Variants in KIF23 observed in about 807,000 individuals in gnomAD.
KIF23 encodes the protein kinesin family member 23, also known as kinesin-like protein KIF23.
KIF23 carries 30 observed loss-of-function variants against 137.5 expected under a neutral mutation model. The observed-to-expected ratio is 0.22, with a 90% CI of 0.16 to 0.30. The LOEUF is 0.30. Ranked by LOEUF, KIF23 falls within the 10% of genes least tolerant of loss-of-function variation. The pLI is 1.00. For synonymous variants in KIF23, 367 were observed against 391.1 expected, an observed-to-expected ratio of 0.94 and a Z score of 0.73; for missense variants, 920 against 1,194.3, an observed-to-expected ratio of 0.77 and a Z score of 3.38.
chr15:69,414,578 G>T, intron 1 of KIF23, 102 bp downstream of exon 1: 2 of 1,278,750 alleles, frequency 1.6e-6, no homozygotes, highest in Non-Finnish European at 2.1e-6. Context: ...TACGCGGGCA[G>T]CGCGGACAGC....
Position 69,435,464 on chromosome 15 carries a change from A to G in KIF23, c.1115-19A>G. 3.1e-6 allele frequency: 5 copies of G among 1,591,664 alleles called. No individual in the cohort carries two copies. The highest frequency in any genetic ancestry group is 1.1e-5 in the South Asian group (1 of 90,152). On this transcript the variant is annotated intron_variant, in intron 11 of 23. Transcript: ENST00000679126. ...ATACTGTTGTTCTGAAATGGCGTCTATGTATTTTTTTCTGTCAGGTAATAT... is the reference window on the plus strand; with the variant it reads ...ATACTGTTGTTCTGAAATGGCGTCTGTGTATTTTTTTCTGTCAGGTAATAT...
At chr15:69,428,977 T>C (rs1430418304) in intron 10 of KIF23, 134 bp from the exon 11 acceptor site, 4 of 527,194 alleles carry the variant, frequency 7.6e-6, no homozygotes, top group Non-Finnish European at 1.0e-5. Context: ...AAAATAGGTA[T>C]CCTTTGCCTG....
At chr15:69,429,314 T>C in intron 11 of KIF23, 101 bp downstream of exon 11, 1 of 781,298 alleles carries the variant, frequency 1.3e-6, no homozygotes, top group Non-Finnish European at 2.1e-6. Flanking sequence ...TTTTTTAATT[T>C]TTATTTTATT....
In KIF23 at chr15:69,435,499, A is replaced by C. The variant is rs2057455530; in HGVS notation, c.1131A>C (p.Ser377=). 2 of 1,613,652 alleles carry C rather than the reference A, an allele frequency of 1.2e-6. No individual in the cohort carries two copies. The highest frequency in any genetic ancestry group is 2.7e-5 in the African/African-American group (2 of 74,914). Residue 377 remains serine (S), a synonymous_variant, in exon 12 of 24, where the codon TCA becomes TCC. Transcript: ENST00000679126. The part of the protein sequence containing the change: ...RLREAGNINQ[S]LMTLRTCMDV... ...TTCTGTCAGGTAATATTAATCAGTC[A>C]CTAATGACGCTAAGAACATGTATGG...
At chr15:69,434,617 G>C in intron 11 of KIF23, 1 of 1,366,950 alleles carries the variant, frequency 7.3e-7, no homozygotes, top group Non-Finnish European at 1.0e-6. Context: ...TAGAAACATA[G>C]TTGATGATGT....
chr15:69,438,801 C>CA (rs879333853), intron 16 of KIF23, among the ~76,000 whole-genome samples: 54 of 138,400 alleles, frequency 3.9e-4, no homozygotes, highest in Middle Eastern at 3.8e-3. Context: ...GACTCTGTCT[C>CA]AAAAAAAAAA....
At position 69,444,814 on chromosome 15, in the gene KIF23, G is replaced by A. The variant is rs148981797; in HGVS notation, c.2446G>A (p.Ala816Thr). ...GRLLFQPDQN[A>T]PPIRLRHRRS... ...GTTACTCTTTCAACCTGATCAGAACGCACCACCAATTCGTCTCCGACACAG... is the reference window on the plus strand; with the variant it reads ...GTTACTCTTTCAACCTGATCAGAACACACCACCAATTCGTCTCCGACACAG... The change falls in exon 20 of 24, where the codon GCA (alanine) becomes ACA (threonine). Residue 816 changes from alanine to threonine, a missense_variant. Transcript: ENST00000679126. This position sits in a 1 kb window ranked among gnomAD's most constrained non-coding sequence, Gnocchi z 4.2. The A allele has an allele frequency of 1.9e-6, 3 of 1,614,030 alleles. No homozygotes were observed. The highest frequency in any genetic ancestry group is 1.1e-5 in the South Asian group (1 of 91,074).
intron 19 of KIF23, among the ~76,000 whole-genome samples, chr15:69,442,362 A>G (rs752045656): frequency 2.3e-4 from 35 of 152,316 alleles, no homozygotes; most frequent in Non-Finnish European, 4.3e-4. Flanking sequence ...TTTCTTTTGA[A>G]TCTGAATAAA....
intron 6 of KIF23, among the ~76,000 whole-genome samples, chr15:69,422,744 A>T (rs2057090019): frequency 6.6e-6 from 1 of 151,486 alleles, no homozygotes; most frequent in Non-Finnish European, 1.5e-5. Context: ...TGCTTTGTGC[A>T]TTTCTGCTTG....
intron 11 of KIF23, among the ~76,000 whole-genome samples, chr15:69,431,929 T>G (rs2057364974): frequency 6.6e-6 from 1 of 152,222 alleles, no homozygotes; most frequent in Non-Finnish European, 1.5e-5. Context: ...CCCAAAGGAC[T>G]CTTGCAATTT....
intron 11 of KIF23, among the ~76,000 whole-genome samples, chr15:69,431,527 T>C (rs1045561549): frequency 6.6e-6 from 1 of 151,228 alleles, no homozygotes; most frequent in Non-Finnish European, 1.5e-5. Context: ...GGCAGGAGAA[T>C]GGCGTGAACC....
chr15:69,418,465 C>G (rs1450859164), intron 3 of KIF23, among the ~76,000 whole-genome samples: 1 of 152,134 alleles, frequency 6.6e-6, no homozygotes, highest in African/African-American at 2.4e-5. Context: ...GTTTTCTTCT[C>G]AAGGAATGGC....
chr15:69,432,304 C>G (rs1282807946), intron 11 of KIF23, among the ~76,000 whole-genome samples: 1 of 152,120 alleles, frequency 6.6e-6, no homozygotes, highest in African/African-American at 2.4e-5. Context: ...AGGGTTTGGG[C>G]TGTCAGCTGT....
intron 3 of KIF23, among the ~76,000 whole-genome samples, chr15:69,420,562 T>A (rs141001866): frequency 6.6e-6 from 1 of 152,246 alleles, no homozygotes; most frequent in African/African-American, 2.4e-5. Context: ...AAGGTCACAA[T>A]TTATTTAAAA....
chr15:69,428,159 G>T (rs2057252488), intron 10 of KIF23, among the ~76,000 whole-genome samples: 1 of 152,044 alleles, frequency 6.6e-6, no homozygotes, highest in Non-Finnish European at 1.5e-5. Flanking sequence ...CGGGACTGAG[G>T]CAGGAGAATT....
chr15:69,428,454 C>T lies in KIF23; in HGVS notation c.1012-657C>T, dbSNP rs527909229. Among the ~76,000 whole-genome samples the T allele has an allele frequency of 5.7e-3, 867 of 151,310 alleles. 3 individuals are homozygous for T. Among genetic ancestry groups the T allele is most frequent in the Non-Finnish European group, 9.0e-3 (613 of 67,808 alleles). On this transcript the variant is annotated intron_variant, in intron 10 of 23. Coordinates refer to ENST00000679126, the MANE Select transcript of KIF23 (RefSeq NM_001367805.3). ...GGCGGATCAACTGAGGTCAGGAGTT[C>T]GAGACCAGCCTGGTCCACATGGTGA...
intron 3 of KIF23, among the ~76,000 whole-genome samples, chr15:69,418,448 C>G (rs1299776971): frequency 3.3e-5 from 5 of 152,258 alleles, no homozygotes; most frequent in Non-Finnish European, 7.4e-5. Flanking sequence ...TAAATACTTC[C>G]TCCCTTGTTT....
At chr15:69,420,590 C>T (rs1226033557) in intron 3 of KIF23, among the ~76,000 whole-genome samples, 1 of 152,196 alleles carries the variant, frequency 6.6e-6, no homozygotes, top group East Asian at 1.9e-4. Context: ...CATGTAAGAA[C>T]TCAGAGATGA....
intron 1 of KIF23, chr15:69,414,829 T>C (rs992932716): frequency 5.7e-5 from 15 of 262,028 alleles, no homozygotes; most frequent in Non-Finnish European, 1.0e-4. Context: ...CCTCGCTGGC[T>C]GCCGCCGCCT....
Sources: allele counts gnomAD v4.1 joint callset (sites outside exome capture counted in the v4.1 genomes callset), GRCh38; gene constraint gnomAD v4.1.1; non-coding constraint Gnocchi (gnomAD v3.1); transcripts MANE v1.5; gene names NCBI Gene and HGNC (gene_info 2026-07-23, HGNC 2026-07-21).